CELF2: variants seen among roughly 807,000 people sequenced by gnomAD.
CELF2 encodes CUGBP Elav-like family member 2, also known as CUG triplet repeat RNA-binding protein 2.
CELF2 carries 8 observed loss-of-function variants against 62.6 expected under a neutral mutation model. That is an observed-to-expected ratio of 0.13 (90% CI 0.07 to 0.23). The LOEUF (loss-of-function observed/expected upper bound fraction) is 0.23, where lower values mean the gene tolerates loss of function less well. CELF2 is among the 10% of genes least tolerant of loss of function. The pLI, the probability that CELF2 is intolerant of heterozygous loss-of-function variation, is 1.00. For synonymous variants in CELF2, 258 were observed against 250.0 expected (o/e 1.03, Z -0.30); for missense variants, 333 against 671.0 (o/e 0.50, Z 5.56).
chr10:10,719,668 A>G, the CELF2 span, among the ~76,000 whole-genome samples: 67 of 152,136 alleles, frequency 4.4e-4, 1 homozygote, highest in East Asian at 3.3e-3. Context: ...TCTTCACTCC[A>G]TTCCTGACCC....
At position 11,314,599 on chromosome 10, in the gene CELF2, G is replaced by A. The variant is rs912738106; in HGVS notation, c.1096+341G>A. 16 of 364,328 alleles carry A rather than the reference G, an allele frequency of 4.4e-5. No homozygotes were observed. Among genetic ancestry groups the A allele is most frequent in the Non-Finnish European group, 2.1e-5 (4 of 187,502 alleles). 22.6% of individuals were successfully genotyped at this position (364,328 alleles called of 1,614,324 possible). A position where few individuals can be genotyped will look rare whatever the true frequency, so the allele number is the denominator to read the frequency against. Reference sequence around the variant, plus strand: ...TCCTGCGAGGCAGGGTGTTACGGTGGGAAAAGTTAATGGACTGGAAGGCTG... The same window carrying A: ...TCCTGCGAGGCAGGGTGTTACGGTGAGAAAAGTTAATGGACTGGAAGGCTG... On this transcript the variant is annotated intron_variant, in intron 10 of 12. Transcript: ENST00000633077. The surrounding 1 kb of genome is among the most constrained non-coding windows in gnomAD (Gnocchi z 5.3).
intron 1 of CELF2, among the ~76,000 whole-genome samples, chr10:10,824,481 C>T (rs1176195351): frequency 6.6e-6 from 1 of 152,202 alleles, no homozygotes; most frequent in African/African-American, 2.4e-5. Flanking sequence ...TGAAGTAAAA[C>T]TTAAGGATGT....
the CELF2 span, among the ~76,000 whole-genome samples, chr10:10,504,520 T>C: frequency 3.9e-5 from 6 of 152,282 alleles, no homozygotes; most frequent in East Asian, 9.6e-4. Context: ...AGCTTGATTA[T>C]GTGCCTTGGC....
intron 2 of CELF2, among the ~76,000 whole-genome samples, chr10:10,930,448 G>A (rs1229688088): frequency 2.0e-5 from 3 of 152,060 alleles, no homozygotes; most frequent in Non-Finnish European, 4.4e-5. Flanking sequence ...TGAAATAAAT[G>A]ATCAAAATAA....
At chr10:11,059,172 C>T (rs1047653631) in intron 1 of CELF2, among the ~76,000 whole-genome samples, 5 of 152,190 alleles carry the variant, frequency 3.3e-5, no homozygotes, top group Admixed American at 6.5e-5. Flanking sequence ...ATCACTAGAA[C>T]GCAGGCTCTC....
At chr10:11,204,751 G>T (rs922225615) in intron 2 of CELF2, among the ~76,000 whole-genome samples, 1 of 152,220 alleles carries the variant, frequency 6.6e-6, no homozygotes, top group Non-Finnish European at 1.5e-5. Flanking sequence ...CACACATGGT[G>T]GTCTGTGCCC....
intron 1 of CELF2, among the ~76,000 whole-genome samples, chr10:10,829,835 T>A (rs1237808619): frequency 6.6e-6 from 1 of 152,228 alleles, no homozygotes; most frequent in East Asian, 1.9e-4. Flanking sequence ...GGTTGACTTC[T>A]GTGTTACGTG....
intron 1 of CELF2, among the ~76,000 whole-genome samples, chr10:11,123,700 T>A (rs1318848447): frequency 6.6e-6 from 1 of 152,236 alleles, no homozygotes; most frequent in Non-Finnish European, 1.5e-5. Flanking sequence ...ACCCCCATCC[T>A]GCTGCGCAGT....
At chr10:11,019,259 TTTAAG>T (rs2057898739) in intron 1 of CELF2, among the ~76,000 whole-genome samples, 1 of 152,208 alleles carries the variant, frequency 6.6e-6, no homozygotes, top group Admixed American at 6.5e-5. Context: ...TTTTCGACAT[TTTAAG>T]TTTTCTCTGA....
intron 1 of CELF2, among the ~76,000 whole-genome samples, chr10:11,118,183 G>C (rs561750357): frequency 5.9e-4 from 90 of 152,060 alleles, no homozygotes; most frequent in African/African-American, 2.0e-3. Context: ...CCAACTGAGG[G>C]CTCATTGCCC....
At chr10:10,996,200 C>G (rs1048768398) in intron 2 of CELF2, among the ~76,000 whole-genome samples, 7 of 152,186 alleles carry the variant, frequency 4.6e-5, no homozygotes, top group African/African-American at 1.2e-4. Flanking sequence ...CCCAACTGGC[C>G]TGCTGGAAGC....
At chr10:11,254,444 A>G (rs1378113063) in intron 4 of CELF2, among the ~76,000 whole-genome samples, 1 of 152,206 alleles carries the variant, frequency 6.6e-6, no homozygotes, top group Non-Finnish European at 1.5e-5. Flanking sequence ...AATACTTGAT[A>G]TTTTTAAAAG....
At chr10:10,611,178 C>T in the CELF2 span, among the ~76,000 whole-genome samples, 1 of 152,016 alleles carries the variant, frequency 6.6e-6, no homozygotes, top group African/African-American at 2.4e-5. Flanking sequence ...CATGCAGATG[C>T]GGCCAGAACC....
intron 2 of CELF2, among the ~76,000 whole-genome samples, chr10:11,167,444 C>G (rs2067548585): frequency 6.6e-6 from 1 of 152,188 alleles, no homozygotes; most frequent in African/African-American, 2.4e-5. Context: ...TAAAAGTTAC[C>G]TTTGACATAA....
chr10:11,328,855 G>GC lies in CELF2; in HGVS notation c.1439-70dup. 1 of 1,533,180 alleles carries GC rather than the reference G, an allele frequency of 6.5e-7. No individual in the cohort carries two copies. Among genetic ancestry groups the GC allele is most frequent in the East Asian group, 2.3e-5 (1 of 43,074 alleles). The allele number at this position is 1,533,180 out of a possible 1,614,324, so 95.0% of individuals were successfully genotyped here. On this transcript the variant is annotated intron_variant, in intron 12 of 12. Coordinates refer to ENST00000633077, the MANE Select transcript of CELF2 (RefSeq NM_001326342.2). The surrounding 1 kb of genome is among the most constrained non-coding windows in gnomAD (Gnocchi z 6.4). The stretch of plus-strand genomic sequence containing the variant: ...TGCTGGCTCTTCAGCCTTCCCCAGA[G>GC]CTCCAGCCCCCTTTTCTGTTTTCTG...
At chr10:10,969,194 T>A (rs1445031177) in intron 2 of CELF2, among the ~76,000 whole-genome samples, 1 of 152,150 alleles carries the variant, frequency 6.6e-6, no homozygotes, top group Non-Finnish European at 1.5e-5. Flanking sequence ...GAGGCGGCGG[T>A]TGCAATGAAC....
the CELF2 span, among the ~76,000 whole-genome samples, chr10:10,735,921 T>A: frequency 6.6e-6 from 1 of 152,224 alleles, no homozygotes; most frequent in East Asian, 1.9e-4. Flanking sequence ...CTTCTGCACC[T>A]AAAATTCAGG....
Position 10,938,739 on chromosome 10 carries a change from G to C in CELF2, c.89+18740G>C, listed in dbSNP as rs1018528358. On this transcript the variant is annotated intron_variant, in intron 2 of 13. Transcript: ENST00000636488. The surrounding 1 kb of genome is among the most constrained non-coding windows in gnomAD (Gnocchi z 4.2). Reference sequence around the variant, plus strand: ...GGGAGGGGGATGTGAGACAGGAATGGGGGAGGTCAGCAAAGCCTGAGTGTA... The same window carrying C: ...GGGAGGGGGATGTGAGACAGGAATGCGGGAGGTCAGCAAAGCCTGAGTGTA... Among the ~76,000 whole-genome samples, 7 of 152,108 alleles carry C rather than the reference G, an allele frequency of 4.6e-5. No individual in the cohort carries two copies. The highest frequency in any genetic ancestry group is 1.7e-4 in the African/African-American group (7 of 41,424).
At chr10:10,499,169 C>A in the CELF2 span, among the ~76,000 whole-genome samples, 18 of 151,292 alleles carry the variant, frequency 1.2e-4, no homozygotes, top group African/African-American at 4.4e-4. Flanking sequence ...TGGGTTCAAG[C>A]GATTCTTGTG....
Sources: gnomAD v4.1 joint callset for allele counts (sites outside exome capture counted in the v4.1 genomes callset) on GRCh38, gnomAD v4.1.1 for gene constraint, Gnocchi (gnomAD v3.1) non-coding constraint, MANE v1.5 for transcripts, NCBI Gene and HGNC (gene_info 2026-07-23, HGNC 2026-07-21) for gene names.